The following AHNAK variants were observed in gnomAD, a reference collection of about 807,000 sequenced individuals.
AHNAK encodes the protein neuroblast differentiation-associated protein AHNAK.
AHNAK carries 23 observed loss-of-function variants against 37.8 expected under a neutral mutation model. That is an observed-to-expected ratio of 0.61 (90% CI 0.44 to 0.86). AHNAK has a LOEUF of 0.86. AHNAK is among the 40% of genes least tolerant of loss of function. AHNAK has a pLI of 0.00. For missense variants in AHNAK, 7,411 were observed against 7,319.4 expected (o/e 1.01, Z -0.46); for synonymous variants, 2,481 against 2,636.3 (o/e 0.94, Z 1.80).
intron 5 of AHNAK, among the ~76,000 whole-genome samples, chr11:62,452,014 G>A (rs1481601669): frequency 8.6e-5 from 13 of 151,312 alleles, no homozygotes; most frequent in African/African-American, 2.9e-4. Flanking sequence ...GGGTTTCACC[G>A]TGTTAGCCAG....
intron 5 of AHNAK, among the ~76,000 whole-genome samples, chr11:62,437,749 C>G (rs1938207485): frequency 6.6e-6 from 1 of 152,168 alleles, no homozygotes; most frequent in African/African-American, 2.4e-5. Flanking sequence ...AAACAATGTT[C>G]CCAGTGGCTG....
At chr11:62,493,520 G>C (rs1225537220) in intron 4 of AHNAK, among the ~76,000 whole-genome samples, 1 of 151,874 alleles carries the variant, frequency 6.6e-6, no homozygotes, top group Non-Finnish European at 1.5e-5. Flanking sequence ...TTTTAGTAGA[G>C]ACGGGGTTTC....
Position 62,527,312 on chromosome 11 carries a change from A to T in AHNAK, c.7105T>A (p.Trp2369Arg), listed in dbSNP as rs1301872353. Residue 2369 changes from tryptophan to arginine, a missense_variant, in exon 5 of 5, where the codon TGG becomes AGG. Coordinates refer to ENST00000378024, the MANE Select transcript of AHNAK (RefSeq NM_001620.3). ...EVAVEGPNGK[W>R]KTPKFKMPDM... ...GGCATCTTGAACTTAGGAGTTTTCC[A>T]CTTGCCATTTGGGCCTTCCACAGCT... 6 of 1,613,672 alleles carry T rather than the reference A, an allele frequency of 3.7e-6. No individual in the cohort carries two copies. The highest frequency in any genetic ancestry group is 4.2e-6 in the Non-Finnish European group (5 of 1,179,930).
chr11:62,530,512 G>A lies in AHNAK; in HGVS notation c.3905C>T (p.Pro1302Leu), dbSNP rs569137878. ...VEVPDVSLEG[P>L]EGKLKGPKFK... The stretch of plus-strand genomic sequence containing the variant: ...CTTGGGGCCCTTCAGCTTTCCTTCC[G>A]GGCCCTCAAGGCTCACATCTGGGAC... The change falls in exon 5 of 5, where the codon CCG (proline) becomes CTG (leucine). Residue 1302 changes from proline to leucine, a missense_variant. Physicochemically the swap from Pro to Leu is moderately conservative, Grantham distance 98. Transcript: ENST00000378024. 2.6e-5 allele frequency: 42 copies of A among 1,611,076 alleles called. No homozygotes were observed. The highest frequency in any genetic ancestry group is 1.2e-4 in the South Asian group (11 of 90,964).
In AHNAK at chr11:62,521,167, G is replaced by A. The variant is rs149881478; in HGVS notation, c.13250C>T (p.Pro4417Leu). 3 of 1,613,944 alleles carry A rather than the reference G, an allele frequency of 1.9e-6. No individual in the cohort carries two copies. The highest frequency in any genetic ancestry group is 2.5e-6 in the Non-Finnish European group (3 of 1,179,994). The part of the protein sequence containing the change: ...LPKVEGDLKG[P>L]EIDIKGPSLD... ...ACTGGGGCCTTTTATGTCAATTTCA[G>A]GGCCCTTGAGATCACCTTCCACTTT... is the stretch of plus-strand genomic sequence containing the variant. Residue 4417 changes from proline to leucine, a missense_variant, in exon 5 of 5, where the codon CCT becomes CTT. By Grantham distance (98) the Pro-to-Leu change is moderately conservative (BLOSUM62 -3). Transcript: ENST00000378024.
chr11:62,519,844 A>G lies in AHNAK; in HGVS notation c.14573T>C (p.Leu4858Ser), dbSNP rs1375432858. ...KISIPDVDLD[L>S]KGPKVKGDFD... ...ATCTCCTTTTACTTTGGGTCCTTTC[A>G]AATCCAGGTCAACATCAGGTATGGA... Residue 4858 changes from leucine to serine, a missense_variant, in exon 5 of 5, where the codon TTG becomes TCG. Leu to Ser is a moderately radical substitution (Grantham distance 145, BLOSUM62 -2). Coordinates refer to ENST00000378024, the MANE Select transcript of AHNAK (RefSeq NM_001620.3). 2 of 1,614,082 alleles carry G rather than the reference A, an allele frequency of 1.2e-6. No homozygotes were observed. Among genetic ancestry groups the G allele is most frequent in the African/African-American group, 2.7e-5 (2 of 74,920 alleles).
At chr11:62,512,021 T>C (rs558244088), downstream of AHNAK, among the ~76,000 whole-genome samples, 36 of 152,276 alleles carry the variant, frequency 2.4e-4, 1 homozygote, top group South Asian at 7.0e-3. This position sits in a 1 kb window ranked among gnomAD's most constrained non-coding sequence, Gnocchi z 4.0. Context: ...GCTAATTTTG[T>C]ATTTTAGTAG....
At chr11:62,445,786 G>A (rs1322181947) in intron 5 of AHNAK, among the ~76,000 whole-genome samples, 1 of 151,852 alleles carries the variant, frequency 6.6e-6, no homozygotes, top group Non-Finnish European at 1.5e-5. Flanking sequence ...GGAGGCTGAG[G>A]CAGCCAAATC....
intron 5 of AHNAK, among the ~76,000 whole-genome samples, chr11:62,448,279 G>A (rs984974880): frequency 2.0e-5 from 3 of 152,238 alleles, no homozygotes; most frequent in African/African-American, 4.8e-5. Context: ...GGAAGTCATC[G>A]GATATGAGGA....
At chr11:62,466,511 T>C (rs1466604405) in intron 5 of AHNAK, among the ~76,000 whole-genome samples, 2 of 149,006 alleles carry the variant, frequency 1.3e-5, no homozygotes, top group Non-Finnish European at 3.0e-5. Flanking sequence ...TCTTCTCATT[T>C]CTCCCAACTC....
chr11:62,530,977 T>C lies in AHNAK; in HGVS notation c.3440A>G (p.Asp1147Gly). The change falls in exon 5 of 5, where the codon GAT becomes GGT. Residue 1147 changes from aspartate to glycine, a missense_variant. By Grantham distance (94) the Asp-to-Gly change is moderately conservative (BLOSUM62 -1). Transcript: ENST00000378024. ...PSLKGEGPEV[D>G]VNLPKADVVV... ...AACGTCAGCCTTAGGCAAGTTCACATCCACTTCTGGGCCCTCGCCTTTGAG... is the reference window on the plus strand; with the variant it reads ...AACGTCAGCCTTAGGCAAGTTCACACCCACTTCTGGGCCCTCGCCTTTGAG... 1 of 1,614,070 alleles carries C rather than the reference T, an allele frequency of 6.2e-7. No individual in the cohort carries two copies. Among genetic ancestry groups the C allele is most frequent in the South Asian group, 1.1e-5 (1 of 91,078 alleles).
chr11:62,476,458 G>T (rs1054686036), intron 5 of AHNAK, among the ~76,000 whole-genome samples: 2 of 150,258 alleles, frequency 1.3e-5, no homozygotes, highest in Non-Finnish European at 3.0e-5. Context: ...CCAGCCATTA[G>T]AAGTTGACAA....
At position 62,530,984 on chromosome 11, in the gene AHNAK, C is replaced by G; in HGVS notation, c.3433G>C (p.Glu1145Gln). The G allele has an allele frequency of 6.2e-7, 1 of 1,614,176 alleles. No homozygotes were observed. The highest frequency in any genetic ancestry group is 8.5e-7 in the Non-Finnish European group (1 of 1,180,040). Residue 1145 changes from glutamate to glutamine, a missense_variant, in exon 5 of 5, where the codon GAA becomes CAA. Glu to Gln is a conservative substitution (Grantham distance 29). Transcript: ENST00000378024. ...GCCTTAGGCAAGTTCACATCCACTT[C>G]TGGGCCCTCGCCTTTGAGGCTGGGC... The part of the protein sequence containing the change: ...SMPSLKGEGP[E>Q]VDVNLPKADV...
At position 62,535,064 on chromosome 11, in the gene AHNAK, G is replaced by A. The variant is rs763690806; in HGVS notation, c.281C>T (p.Pro94Leu). 5 of 1,613,942 alleles carry A rather than the reference G, an allele frequency of 3.1e-6. No individual in the cohort carries two copies. The highest frequency in any genetic ancestry group is 1.1e-5 in the South Asian group (1 of 91,070). Residue 94 changes from proline to leucine, a missense_variant, in exon 4 of 5, where the codon CCC becomes CTC. Coordinates refer to ENST00000378024, the MANE Select transcript of AHNAK (RefSeq NM_001620.3). ...LKLHRKGDRS[P>L]EPGQTWTREV... ...ACGGGTCCAGGTCTGGCCAGGCTCG[G>A]GAGAGCGGTCCCCCTTGCGGTGCAG...
intron 4 of AHNAK, among the ~76,000 whole-genome samples, chr11:62,496,570 G>A (rs1320124886): frequency 6.6e-6 from 1 of 152,172 alleles, no homozygotes; most frequent in Non-Finnish European, 1.5e-5. Context: ...GCCGAGGCGG[G>A]CAGATCACAA....
rs531272506 is a variant in AHNAK at position 62,529,567 on chromosome 11, G to T, written c.4850C>A (p.Ala1617Asp). The T allele has an allele frequency of 6.2e-6, 10 of 1,614,070 alleles. No individual in the cohort carries two copies. The Admixed American group carries it at 8.3e-5, about 13-fold the overall frequency. Residue 1617 changes from alanine (A) to aspartate (D), a missense_variant, in exon 5 of 5, where the codon GCC (alanine) becomes GAC (aspartate). Coordinates refer to ENST00000378024, the MANE Select transcript of AHNAK (RefSeq NM_001620.3). ...DLKGPEIDVK[A>D]PKMDVNVGDI... ...ACCAACATTCACATCCATCTTAGGG[G>T]CTTTCACATCAATTTCAGGACCCTT...
intron 4 of AHNAK, among the ~76,000 whole-genome samples, chr11:62,503,092 T>C (rs1316831060): frequency 1.3e-5 from 2 of 152,184 alleles, no homozygotes; most frequent in Non-Finnish European, 2.9e-5. Context: ...CAAATGCTCA[T>C]AAATACAAAA....
Position 62,524,137 on chromosome 11 carries a change from G to A in AHNAK, c.10280C>T (p.Pro3427Leu), listed in dbSNP as rs113691543. 1.2e-6 allele frequency: 2 copies of A among 1,613,912 alleles called. No individual in the cohort carries two copies. Among genetic ancestry groups the A allele is most frequent in the Admixed American group, 1.7e-5 (1 of 59,980 alleles). The change falls in exon 5 of 5, where the codon CCC becomes CTC. Residue 3427 changes from proline (P) to leucine (L), a missense_variant. Coordinates refer to ENST00000378024, the MANE Select transcript of AHNAK (RefSeq NM_001620.3). ...AATATCTAAGTCTCCTTTGACTTTG[G>A]GACTTTTCAAATTTAGCTCCACGTC... ...MPDVELNLKSPKVKGDLDIAG... is the reference protein window; with the variant it reads ...MPDVELNLKSLKVKGDLDIAG...
chr11:62,519,240 A>G lies in AHNAK; in HGVS notation c.15177T>C (p.Asp5059=). ...GEIDASLKAP[D]VDVNIAGPDA... ...CCGGCCCTGCGATGTTGACATCTAC[A>G]TCCGGAGCCTTGAGGCTGGCATCAA... The change falls in exon 5 of 5, where the codon GAT becomes GAC. Residue 5059 remains aspartate, a synonymous_variant. Coordinates refer to ENST00000378024, the MANE Select transcript of AHNAK (RefSeq NM_001620.3). 1 of 1,614,032 alleles carries G rather than the reference A, an allele frequency of 6.2e-7. No homozygotes were observed. The highest frequency in any genetic ancestry group is 8.5e-7 in the Non-Finnish European group (1 of 1,179,978).
Sources: allele counts gnomAD v4.1 joint callset (sites outside exome capture counted in the v4.1 genomes callset), GRCh38; gene constraint gnomAD v4.1.1; non-coding constraint Gnocchi (gnomAD v3.1); transcripts MANE v1.5; gene names NCBI Gene and HGNC (gene_info 2026-07-23, HGNC 2026-07-21).